The following PPARGC1A variants were observed in gnomAD, a reference collection of about 807,000 sequenced individuals.
The protein encoded by PPARGC1A is PPARG coactivator 1 alpha, also known as peroxisome proliferator-activated receptor gamma coactivator 1-alpha.
In PPARGC1A, 25 loss-of-function variants were observed where a neutral mutation model predicts 88.7. The observed-to-expected ratio is 0.28, with a 90% CI of 0.21 to 0.39. The LOEUF is 0.39. PPARGC1A is among the 10% of genes least tolerant of loss of function. The probability of loss-of-function intolerance (pLI) is 1.00; values close to 1 mark genes in which losing one functional copy is unlikely to be tolerated. For synonymous variants in PPARGC1A, 363 were observed against 355.6 expected (o/e 1.02, Z -0.24); for missense variants, 880 against 968.7 (o/e 0.91, Z 1.22).
At chr4:23,815,439 A>T (rs1044409324) in intron 7 of PPARGC1A, among the ~76,000 whole-genome samples, 1 of 152,180 alleles carries the variant, frequency 6.6e-6, no homozygotes, top group Non-Finnish European at 1.5e-5. Flanking sequence ...AGAGCACAAC[A>T]TAAGGGAGGG....
the PPARGC1A span, among the ~76,000 whole-genome samples, chr4:24,287,472 T>A: frequency 2.0e-5 from 3 of 152,194 alleles, no homozygotes; most frequent in Non-Finnish European, 4.4e-5. Context: ...ATAAAGGGAC[T>A]AGCCACTTAT....
the PPARGC1A span, among the ~76,000 whole-genome samples, chr4:24,254,948 C>T: frequency 1.3e-5 from 2 of 152,108 alleles, no homozygotes; most frequent in East Asian, 1.9e-4. Context: ...TTTTGGAATG[C>T]TTCATTCAGA....
the PPARGC1A span, among the ~76,000 whole-genome samples, chr4:24,308,028 A>G: frequency 6.6e-6 from 1 of 152,182 alleles, no homozygotes; most frequent in East Asian, 1.9e-4. Context: ...GCGGTGGCTC[A>G]TGCCTGTAAC....
At chr4:24,109,298 T>TACACACAC in the PPARGC1A span, among the ~76,000 whole-genome samples, 522 of 131,866 alleles carry the variant, frequency 4.0e-3, 1 homozygote, top group African/African-American at 0.011. Context: ...CATTTCATTA[T>TACACACAC]ACACACACAC....
chr4:23,923,074 C>T, the PPARGC1A span, among the ~76,000 whole-genome samples: 1 of 149,126 alleles, frequency 6.7e-6, no homozygotes, highest in African/African-American at 2.5e-5. Context: ...TTGTTTTTTT[C>T]TAAAAACAAT....
At chr4:23,875,216 T>A (rs1254498026) in intron 2 of PPARGC1A, among the ~76,000 whole-genome samples, 1 of 152,170 alleles carries the variant, frequency 6.6e-6, no homozygotes, top group Non-Finnish European at 1.5e-5. Context: ...TTAAGAAACA[T>A]CAGTCCAAAA....
chr4:24,141,526 G>A, the PPARGC1A span, among the ~76,000 whole-genome samples: 1,131 of 152,330 alleles, frequency 7.4e-3, 10 homozygotes, highest in African/African-American at 0.025. Context: ...GGCTAGAGGT[G>A]GAGAACATGC....
the PPARGC1A span, among the ~76,000 whole-genome samples, chr4:24,268,434 A>G: frequency 2.6e-5 from 4 of 152,220 alleles, no homozygotes; most frequent in Non-Finnish European, 5.9e-5. Flanking sequence ...GATGGCTAAT[A>G]ACGTGAGTGG....
chr4:24,245,254 T>A, the PPARGC1A span, among the ~76,000 whole-genome samples: 1 of 152,252 alleles, frequency 6.6e-6, no homozygotes, highest in Non-Finnish European at 1.5e-5. Flanking sequence ...CAAGGTTACT[T>A]ACATCATGGG....
chr4:24,150,965 TG>T, the PPARGC1A span, among the ~76,000 whole-genome samples: 1 of 152,212 alleles, frequency 6.6e-6, no homozygotes, highest in Non-Finnish European at 1.5e-5. Context: ...ATGCCTATGC[TG>T]TTCCAATTGC....
chr4:24,248,666 T>C, the PPARGC1A span, among the ~76,000 whole-genome samples: 1 of 152,180 alleles, frequency 6.6e-6, no homozygotes, highest in Non-Finnish European at 1.5e-5. Context: ...TCTCAGTGTC[T>C]TAATTTCTTC....
At chr4:24,351,104 G>T in the PPARGC1A span, among the ~76,000 whole-genome samples, 1 of 152,094 alleles carries the variant, frequency 6.6e-6, no homozygotes, top group Admixed American at 6.5e-5. Flanking sequence ...GGTGGCTCAT[G>T]CCTATAGTCC....
At chr4:23,845,430 A>C (rs2148637735) in intron 2 of PPARGC1A, among the ~76,000 whole-genome samples, 1 of 152,258 alleles carries the variant, frequency 6.6e-6, no homozygotes, top group Middle Eastern at 3.4e-3. Context: ...TGGTATATTA[A>C]GATTGCGGAC....
chr4:24,239,844 G>A, the PPARGC1A span, among the ~76,000 whole-genome samples: 1 of 152,112 alleles, frequency 6.6e-6, no homozygotes, highest in Admixed American at 6.5e-5. Context: ...GAAGAAGATG[G>A]GGGATTGGAA....
the PPARGC1A span, among the ~76,000 whole-genome samples, chr4:24,357,300 G>A: frequency 4.6e-5 from 7 of 152,168 alleles, no homozygotes; most frequent in Non-Finnish European, 8.8e-5. Context: ...ACTTGTCCAA[G>A]GCCAGATGAC....
the PPARGC1A span, among the ~76,000 whole-genome samples, chr4:23,934,120 G>C: frequency 2.0e-5 from 3 of 152,336 alleles, no homozygotes; most frequent in South Asian, 4.1e-4. Context: ...GGAAGGTTAA[G>C]TGGGTGGTGA....
At chr4:24,170,757 T>G in the PPARGC1A span, among the ~76,000 whole-genome samples, 1 of 152,156 alleles carries the variant, frequency 6.6e-6, no homozygotes, top group Non-Finnish European at 1.5e-5. Flanking sequence ...AGCTGTCCTA[T>G]CCAGCTGAGC....
At chr4:24,050,252 G>A in the PPARGC1A span, among the ~76,000 whole-genome samples, 1 of 129,532 alleles carries the variant, frequency 7.7e-6, no homozygotes, top group Non-Finnish European at 1.6e-5. Context: ...CTGGAGTACT[G>A]TGGCATGATC....
At chr4:23,853,749 A>T (rs10018700) in intron 2 of PPARGC1A, among the ~76,000 whole-genome samples, 83,107 of 152,080 alleles carry the variant, frequency 0.55, 23,497 homozygotes, top group African/African-American at 0.69. Context: ...ATCTGATAAA[A>T]CAACGATTTA....
Sources: gnomAD v4.1 joint callset for allele counts (sites outside exome capture counted in the v4.1 genomes callset) on GRCh38, gnomAD v4.1.1 for gene constraint, MANE v1.5 for transcripts, NCBI Gene and HGNC (gene_info 2026-07-23, HGNC 2026-07-21) for gene names.